SNTG1: variants seen among roughly 807,000 people sequenced by gnomAD.
SNTG1 encodes gamma-1-syntrophin.
A neutral mutation model predicts 74.7 loss-of-function variants in SNTG1; 39 were observed. That is an observed-to-expected ratio of 0.52 (90% confidence interval 0.40 to 0.68). SNTG1 has a LOEUF of 0.68. Among genes scored for constraint, SNTG1 ranks in the 30% least tolerant of loss-of-function variants. The probability of loss-of-function intolerance (pLI) is 0.00; values close to 1 mark genes in which losing one functional copy is unlikely to be tolerated. For synonymous variants in SNTG1, 254 were observed against 217.1 expected, an observed-to-expected ratio of 1.17 and a Z score of -1.49; for missense variants, 685 against 609.5, an observed-to-expected ratio of 1.12 and a Z score of -1.30.
intron 11 of SNTG1, among the ~76,000 whole-genome samples, chr8:50,548,515 A>G (rs1358173030): frequency 1.3e-5 from 2 of 152,198 alleles, no homozygotes; most frequent in African/African-American, 4.8e-5. Context: ...GTGGAGATGG[A>G]CTTGTTTGTT....
At chr8:50,172,882 T>C (rs540696784) in intron 2 of SNTG1, among the ~76,000 whole-genome samples, 16 of 152,210 alleles carry the variant, frequency 1.1e-4, no homozygotes, top group Non-Finnish European at 2.2e-4. Flanking sequence ...CTTTCCACAA[T>C]GTTTATTTAA....
intron 2 of SNTG1, among the ~76,000 whole-genome samples, chr8:50,320,308 A>T (rs2090474577): frequency 6.6e-6 from 1 of 152,180 alleles, no homozygotes; most frequent in African/African-American, 2.4e-5. Context: ...AAAGTTGCTT[A>T]TAGAAGCCAC....
At chr8:49,938,619 C>CTT (rs371650276) in intron 1 of SNTG1, among the ~76,000 whole-genome samples, 1 of 41,038 alleles carries the variant, frequency 2.4e-5, no homozygotes, top group African/African-American at 8.5e-5. Context: ...TTCTTTCTTT[C>CTT]TTTCTTTCTT....
intron 15 of SNTG1, among the ~76,000 whole-genome samples, chr8:50,669,226 C>A (rs1048612938): frequency 2.7e-5 from 4 of 150,600 alleles, no homozygotes; most frequent in African/African-American, 7.3e-5. Context: ...AAAAAAAAAA[C>A]CCTTCAAAGA....
chr8:50,407,678 A>G (rs113494855), intron 4 of SNTG1, among the ~76,000 whole-genome samples: 25 of 152,344 alleles, frequency 1.6e-4, no homozygotes, highest in African/African-American at 5.5e-4. Flanking sequence ...GAAAAAGCCA[A>G]TACAATGAGA....
intron 17 of SNTG1, among the ~76,000 whole-genome samples, chr8:50,732,343 C>T (rs1233286137): frequency 1.3e-5 from 2 of 151,676 alleles, no homozygotes; most frequent in Admixed American, 6.6e-5. Flanking sequence ...AATGTCAAGG[C>T]GTGCTACAAA....
chr8:50,610,672 A>G (rs1366608228), intron 13 of SNTG1, among the ~76,000 whole-genome samples: 2 of 152,048 alleles, frequency 1.3e-5, no homozygotes, highest in African/African-American at 4.8e-5. Flanking sequence ...TCAGATATCA[A>G]AGTTGTTGGG....
chr8:50,171,111 G>A (rs2082789954), intron 1 of SNTG1, among the ~76,000 whole-genome samples: 1 of 152,096 alleles, frequency 6.6e-6, no homozygotes. Flanking sequence ...ATCCACAACT[G>A]CCACAAGTCC....
chr8:50,379,420 G>C (rs942541180), intron 2 of SNTG1, among the ~76,000 whole-genome samples: 1 of 152,152 alleles, frequency 6.6e-6, no homozygotes, highest in African/African-American at 2.4e-5. Flanking sequence ...TGCCGATGGG[G>C]GGTCAGGGGC....
At chr8:50,260,684 T>C (rs185925365) in intron 2 of SNTG1, among the ~76,000 whole-genome samples, 257 of 145,242 alleles carry the variant, frequency 1.8e-3, no homozygotes, top group African/African-American at 6.3e-3. Context: ...TAAGAGCTAA[T>C]GGAAAAAAAA....
At chr8:50,035,867 C>A (rs1818116095) in intron 1 of SNTG1, among the ~76,000 whole-genome samples, 1 of 152,112 alleles carries the variant, frequency 6.6e-6, no homozygotes, top group African/African-American at 2.4e-5. Flanking sequence ...GGGTTAAGCT[C>A]TCGGACAGAT....
At chr8:50,294,021 ATTAAT>A (rs2089249873) in intron 2 of SNTG1, among the ~76,000 whole-genome samples, 1 of 152,200 alleles carries the variant, frequency 6.6e-6, no homozygotes, top group African/African-American at 2.4e-5. Context: ...ATGATGATAA[ATTAAT>A]TTACGATCTG....
intron 1 of SNTG1, among the ~76,000 whole-genome samples, chr8:50,068,455 T>A (rs1821078571): frequency 6.6e-6 from 1 of 152,168 alleles, no homozygotes; most frequent in Non-Finnish European, 1.5e-5. Flanking sequence ...ACATTTGCTG[T>A]CGTCTTTGTT....
intron 1 of SNTG1, among the ~76,000 whole-genome samples, chr8:50,010,189 T>C (rs144698089): frequency 6.6e-6 from 1 of 152,266 alleles, no homozygotes; most frequent in Non-Finnish European, 1.5e-5. Flanking sequence ...TGGGATTGTG[T>C]CCACTCAATA....
At chr8:50,511,264 C>T (rs1198852397) in intron 9 of SNTG1, among the ~76,000 whole-genome samples, 16 of 152,302 alleles carry the variant, frequency 1.1e-4, no homozygotes, top group Admixed American at 8.5e-4. Context: ...AGTTTGATTG[C>T]ACTGTGGTCT....
intron 2 of SNTG1, among the ~76,000 whole-genome samples, chr8:50,281,542 T>C (rs559179896): frequency 6.6e-6 from 1 of 152,320 alleles, no homozygotes; most frequent in East Asian, 1.9e-4. Flanking sequence ...TTTTAGTGAT[T>C]TGAAGTCAGA....
At chr8:50,752,508 C>T (rs2095570106) in intron 18 of SNTG1, among the ~76,000 whole-genome samples, 1 of 151,656 alleles carries the variant, frequency 6.6e-6, no homozygotes, top group Non-Finnish European at 1.5e-5. Context: ...TATTTTTTCA[C>T]ATATTCAAAA....
chr8:50,744,474 A>G (rs1563801481), intron 17 of SNTG1, among the ~76,000 whole-genome samples: 2 of 152,028 alleles, frequency 1.3e-5, no homozygotes, highest in Admixed American at 1.3e-4. Flanking sequence ...AAGACATATT[A>G]TTATTAAGAT....
intron 13 of SNTG1, among the ~76,000 whole-genome samples, chr8:50,636,583 C>G (rs901225318): frequency 6.6e-6 from 1 of 152,128 alleles, no homozygotes; most frequent in African/African-American, 2.4e-5. Flanking sequence ...TCACTATGCT[C>G]TCCTTCCCCA....
Sources: gnomAD v4.1 joint callset for allele counts (sites outside exome capture counted in the v4.1 genomes callset) on GRCh38, gnomAD v4.1.1 for gene constraint, MANE v1.5 for transcripts, NCBI Gene and HGNC (gene_info 2026-07-23, HGNC 2026-07-21) for gene names.